The following MAP3K12 variants were observed in gnomAD, a reference collection of about 807,000 sequenced individuals.
MAP3K12 encodes the protein mitogen-activated protein kinase kinase kinase 12, also known as MAPK-upstream kinase.
Under a neutral mutation model 87.5 loss-of-function variants are expected in MAP3K12, and 14 were observed. That is an observed-to-expected ratio of 0.16 (90% CI 0.11 to 0.25). The LOEUF (loss-of-function observed/expected upper bound fraction) is 0.25. Among genes scored for constraint, MAP3K12 ranks in the 10% least tolerant of loss-of-function variants. MAP3K12 has a pLI of 1.00. For synonymous variants in MAP3K12, 469 were observed against 452.5 expected, an observed-to-expected ratio of 1.04 and a Z score of -0.46; for missense variants, 802 against 1,140.4, an observed-to-expected ratio of 0.70 and a Z score of 4.27.
At position 53,482,003 on chromosome 12, in the gene MAP3K12, C is replaced by A. The variant is rs369884606; in HGVS notation, c.2518G>T (p.Val840Phe). 6.2e-7 allele frequency: 1 copy of A among 1,614,178 alleles called. No individual in the cohort carries two copies. Among genetic ancestry groups the A allele is most frequent in the South Asian group, 1.1e-5 (1 of 91,082 alleles). The change falls in exon 13 of 14, where the codon GTC becomes TTC. Residue 840 changes from valine to phenylalanine, a missense_variant. Around this residue, in one of 5 missense-constraint regions of MAP3K12, gnomAD observed 490 missense variants for 496.6 expected, o/e 0.99. Transcript: ENST00000547488. ...EIPLDPPPSE[V>F]IPGPEPSSLP... The stretch of plus-strand genomic sequence containing the variant: ...GAGCTGGGTTCAGGGCCAGGGATGA[C>A]CTCTGAAGGAGGTGGGTCCAGTGGG...
chr12:53,491,660 C>T (rs1414592599), intron 1 of MAP3K12, among the ~76,000 whole-genome samples: 2 of 151,794 alleles, frequency 1.3e-5, no homozygotes, highest in Admixed American at 6.6e-5. Context: ...GTCTCGATCT[C>T]CTGACCTCAT....
intron 1 of MAP3K12, among the ~76,000 whole-genome samples, chr12:53,499,181 T>G (rs1197013173): frequency 1.3e-5 from 2 of 151,832 alleles, no homozygotes; most frequent in Non-Finnish European, 2.9e-5. Context: ...TACGGTCCTT[T>G]CCAGCTCTGG....
At chr12:53,494,646 T>G (rs1943501534) in intron 1 of MAP3K12, among the ~76,000 whole-genome samples, 1 of 152,186 alleles carries the variant, frequency 6.6e-6, no homozygotes, top group South Asian at 2.1e-4. Context: ...GTCATCTGCC[T>G]AAATCTTGGG....
In MAP3K12 at chr12:53,486,914, C is replaced by CA. The variant is rs1565887519; in HGVS notation, c.445+32dup. The CA allele has an allele frequency of 1.4e-5, 23 of 1,606,980 alleles. No homozygotes were observed. The highest frequency in any genetic ancestry group is 1.9e-5 in the Non-Finnish European group (22 of 1,174,954). ...CCAACAGATCTCGGGCTCAGGGAAA[C>CA]AGAGAGGAGGCTCCCACAAGGACGT... On this transcript the variant is annotated intron_variant, in intron 2 of 13. Coordinates refer to ENST00000547488, the MANE Select transcript of MAP3K12 (RefSeq NM_001193511.2). The surrounding 1 kb of genome is among the most constrained non-coding windows in gnomAD (Gnocchi z 4.9).
At chr12:53,484,041 A>G (rs1183413748) in intron 7 of MAP3K12, 21 bp from the exon 8 acceptor site, 3 of 1,607,712 alleles carry the variant, frequency 1.9e-6, no homozygotes, top group South Asian at 2.2e-5. Flanking sequence ...AGAGCAGATG[A>G]AGAGTGAGAG....
chr12:53,494,364 C>A (rs1943494210), intron 1 of MAP3K12, among the ~76,000 whole-genome samples: 1 of 152,236 alleles, frequency 6.6e-6, no homozygotes, highest in South Asian at 2.1e-4. Flanking sequence ...CTAAGCCATA[C>A]ATGTGCCAGG....
At chr12:53,494,847 A>G (rs1378133812) in intron 1 of MAP3K12, among the ~76,000 whole-genome samples, 1 of 152,148 alleles carries the variant, frequency 6.6e-6, no homozygotes, top group Non-Finnish European at 1.5e-5. Context: ...TCTCTGATCA[A>G]TCGTGGCCAT....
At chr12:53,496,563 C>T (rs930620077) in intron 1 of MAP3K12, among the ~76,000 whole-genome samples, 1 of 152,254 alleles carries the variant, frequency 6.6e-6, no homozygotes, top group Admixed American at 6.5e-5. Context: ...GGAAGAAGTT[C>T]AGCGGATGTT....
intron 1 of MAP3K12, among the ~76,000 whole-genome samples, chr12:53,489,300 A>C (rs2256970): frequency 0.93 from 141,466 of 152,148 alleles, 66,600 homozygotes; most frequent in East Asian, 1. Flanking sequence ...GCCTGGGCGA[A>C]GTAGCCAAAC....
intron 1 of MAP3K12, among the ~76,000 whole-genome samples, chr12:53,498,571 C>G (rs1943590915): frequency 6.6e-6 from 1 of 152,148 alleles, no homozygotes; most frequent in Admixed American, 6.5e-5. Flanking sequence ...TCCCTCCTCT[C>G]AGTCAAGGCC....
At chr12:53,501,434 G>T (rs533321752), upstream of MAP3K12, 2 of 1,568,986 alleles carry the variant, frequency 1.3e-6, no homozygotes. Context: ...CAAGGCTCCG[G>T]CACTACCACG....
At position 53,485,352 on chromosome 12, in the gene MAP3K12, G is replaced by A. The variant is rs1228982640; in HGVS notation, c.945C>T (p.Ile315=). 2 of 1,614,164 alleles carry A rather than the reference G, an allele frequency of 1.2e-6. No individual in the cohort carries two copies. The highest frequency in any genetic ancestry group is 1.1e-5 in the South Asian group (1 of 91,078). ...GTVAWMAPEV[I]RNEPVSEKVD... ...CCTTCTCAGACACAGGTTCATTGCGGATCACCTCAGGGGCCATCCAGGCTA... is the reference window on the plus strand; with the variant it reads ...CCTTCTCAGACACAGGTTCATTGCGAATCACCTCAGGGGCCATCCAGGCTA... Residue 315 remains isoleucine (I), a synonymous_variant, in exon 5 of 14, where the codon ATC becomes ATT. Coordinates refer to ENST00000547488, the MANE Select transcript of MAP3K12 (RefSeq NM_001193511.2).
intron 13 of MAP3K12, 78 bp from the exon 14 acceptor site, chr12:53,481,358 G>T (rs1259703475): frequency 2.6e-6 from 2 of 761,942 alleles, no homozygotes; most frequent in Non-Finnish European, 3.8e-6. Context: ...GTGGCTTACT[G>T]ATTTGTTTTT....
At chr12:53,485,501 G>A in intron 4 of MAP3K12, 26 bp from the exon 5 acceptor site, 1 of 1,608,028 alleles carries the variant, frequency 6.2e-7, no homozygotes, top group Non-Finnish European at 8.5e-7. Context: ...GTCAGCTGGG[G>A]TCCACACCCC....
Position 53,482,664 on chromosome 12 carries a change from A to G in MAP3K12, c.2139T>C (p.Thr713=), listed in dbSNP as rs760113722. Residue 713 remains threonine (T), a synonymous_variant, in exon 11 of 14, where the codon ACT becomes ACC. Transcript: ENST00000547488. ...CCCGGCCTGAGGTCCCTTCCCTTCC[A>G]GTTCCCAGAAGCCCCACACCTTCAC... The part of the protein sequence containing the change: ...GPGEGVGLLG[T]GREGTSGRGG... 6.8e-6 allele frequency: 11 copies of G among 1,613,784 alleles called. No homozygotes were observed. The highest frequency in any genetic ancestry group is 8.5e-6 in the Non-Finnish European group (10 of 1,180,016).
intron 1 of MAP3K12, among the ~76,000 whole-genome samples, chr12:53,489,592 C>T (rs1386826877): frequency 1.3e-5 from 2 of 152,186 alleles, no homozygotes; most frequent in East Asian, 3.8e-4. Context: ...AATTGTTCCT[C>T]ATAGCTAGCA....
chr12:53,483,387 C>T lies in MAP3K12; in HGVS notation c.1575G>A (p.Lys525=). The change falls in exon 10 of 14, where the codon AAG becomes AAA. Residue 525 remains lysine (K), a synonymous_variant. Transcript: ENST00000547488. ...HGNTMEKLIK[K]RNVPQKLSPH... is the part of the protein sequence containing the mutation. ...GTGACAGCTTCTGTGGCACATTCCTCTTCTTGATAAGCTTCTCCATTGTGT... is the reference window on the plus strand; with the variant it reads ...GTGACAGCTTCTGTGGCACATTCCTTTTCTTGATAAGCTTCTCCATTGTGT... The T allele has an allele frequency of 3.1e-6, 5 of 1,614,080 alleles. No homozygotes were observed. The highest frequency in any genetic ancestry group is 4.2e-6 in the Non-Finnish European group (5 of 1,179,964).
rs1488088229 is a variant in MAP3K12 at position 53,486,824 on chromosome 12, G to A, written c.445+123C>T. The A allele has an allele frequency of 6.6e-7, 1 of 1,519,904 alleles. No individual in the cohort carries two copies. The highest frequency in any genetic ancestry group is 2.1e-5 in the Admixed American group (1 of 46,530). The allele number at this position is 1,519,904 out of a possible 1,614,324, so 94.2% of individuals were successfully genotyped here. A position where few individuals can be genotyped will look rare whatever the true frequency, so the allele number is the denominator to read the frequency against. On this transcript the variant is annotated intron_variant, in intron 2 of 13. Transcript: ENST00000547488. This position sits in a 1 kb window ranked among gnomAD's most constrained non-coding sequence, Gnocchi z 4.9. ...GCTGGGAAGTTAGAGGCTGATGGAT[G>A]GCTAAGGGACTAGGGCTGGGCCATG...
chr12:53,500,192 G>A (rs1489949927), upstream of MAP3K12: 1 of 150,280 alleles, frequency 6.7e-6, no homozygotes, highest in Non-Finnish European at 1.5e-5. Context: ...TTTTAATGTG[G>A]TCTCTCCCTT....
Sources: gnomAD v4.1 joint callset for allele counts (sites outside exome capture counted in the v4.1 genomes callset) on GRCh38, gnomAD v4.1.1 for gene constraint, gnomAD v4.1.1 regional missense constraint, Gnocchi (gnomAD v3.1) non-coding constraint, MANE v1.5 for transcripts, NCBI Gene and HGNC (gene_info 2026-07-23, HGNC 2026-07-21) for gene names.